The following RERE variants were observed in gnomAD, a reference collection of about 807,000 sequenced individuals.
RERE encodes the protein arginine-glutamic acid dipeptide repeats, also known as arginine-glutamic acid dipeptide repeats protein.
A neutral mutation model predicts 146.1 loss-of-function variants in RERE; 40 were observed. That is an observed-to-expected ratio of 0.27 (90% CI 0.21 to 0.36). The LOEUF is 0.36. Ranked by LOEUF, RERE falls within the 10% of genes least tolerant of loss-of-function variation. The pLI is 1.00. For synonymous variants in RERE, 1,003 were observed against 866.0 expected (o/e 1.16, Z -2.78); for missense variants, 1,933 against 2,138.7 (o/e 0.90, Z 1.90).
intron 1 of RERE, among the ~76,000 whole-genome samples, chr1:8,782,080 C>T (rs1262979127): frequency 6.6e-6 from 1 of 152,120 alleles, no homozygotes; most frequent in Admixed American, 6.6e-5. Flanking sequence ...GCTATACTCA[C>T]TCTCTCAAAT....
At chr1:8,803,676 C>CCTCAGCTA (rs1180402857) in intron 1 of RERE, among the ~76,000 whole-genome samples, 1 of 152,028 alleles carries the variant, frequency 6.6e-6, no homozygotes, top group Non-Finnish European at 1.5e-5. Flanking sequence ...AATTCTCCCC[C>CCTCAGCTA]CTCAGCATCG....
rs1237128837 is a variant in RERE, at chr1:8,353,937, G to A, written c.*1150C>T. 6.6e-6 allele frequency: 1 copy of A among 152,642 alleles called. No individual in the cohort carries two copies. Among genetic ancestry groups the A allele is most frequent in the Non-Finnish European group, 1.5e-5 (1 of 68,042 alleles). The allele number at this position is 152,642 out of a possible 1,614,324, so 9.5% of individuals were successfully genotyped here. ...ACAAGATCCAAGTGACAATGCGCAT[G>A]AGAAGGCAGCCTTCTAACACATCCC... On this transcript the variant is annotated 3_prime_UTR_variant, in exon 23 of 23. Coordinates refer to ENST00000400908, the MANE Select transcript of RERE (RefSeq NM_001042681.2).
At chr1:8,799,436 C>A (rs1416744126) in intron 1 of RERE, 3 of 183,906 alleles carry the variant, frequency 1.6e-5, no homozygotes, top group Non-Finnish European at 3.5e-5. Flanking sequence ...TACTGAGAGG[C>A]CAGGGTCAAG....
chr1:8,737,980 C>T (rs1196877227), intron 1 of RERE, among the ~76,000 whole-genome samples: 3 of 152,182 alleles, frequency 2.0e-5, no homozygotes, highest in African/African-American at 7.2e-5. Context: ...GAACAAAGCA[C>T]ACTGTGGAAT....
intron 4 of RERE, among the ~76,000 whole-genome samples, chr1:8,582,414 TC>T (rs1646378068): frequency 6.6e-6 from 1 of 150,994 alleles, no homozygotes. Context: ...AAACTTTTTT[TC>T]TTTTTTTTTT....
rs993638518 is a variant in RERE at position 8,484,511 on chromosome 1, T to C, written c.1104+10552A>G. 1.2e-4 allele frequency among the ~76,000 whole-genome samples: 19 copies of C among 152,022 alleles called. No individual in the cohort carries two copies. The South Asian group carries it at 3.9e-3, about 32-fold the overall frequency. ...CGCCATCTCGGCTCACTGCAAGCTC[T>C]GCCTCCAGGCCACACCATTCTCCTG... On this transcript the variant is annotated intron_variant, in intron 10 of 22. Transcript: ENST00000400908.
chr1:8,475,373 T>TAAA (rs70990569), intron 10 of RERE, among the ~76,000 whole-genome samples: 4 of 137,002 alleles, frequency 2.9e-5, no homozygotes, highest in Non-Finnish European at 6.3e-5. Flanking sequence ...GATTCTGTCT[T>TAAA]AAAAAAAAAA....
chr1:8,529,028 G>A (rs1193462927), intron 7 of RERE, among the ~76,000 whole-genome samples: 1 of 152,072 alleles, frequency 6.6e-6, no homozygotes, highest in African/African-American at 2.4e-5. Flanking sequence ...CGAATTTTCA[G>A]ATTAGAGATG....
chr1:8,653,753 T>A (rs1044049987), intron 2 of RERE, among the ~76,000 whole-genome samples: 1 of 150,714 alleles, frequency 6.6e-6, no homozygotes, highest in African/African-American at 2.4e-5. Context: ...ATGATTTAGA[T>A]GTGCGTACGC....
chr1:8,794,500 T>C lies in RERE; in HGVS notation c.-145+22660A>G, dbSNP rs566790858. 2.6e-5 allele frequency among the ~76,000 whole-genome samples: 4 copies of C among 152,180 alleles called. No homozygotes were observed. In the East Asian group the frequency reaches 5.8e-4, roughly 22 times the overall value. On this transcript the variant is annotated intron_variant, in intron 1 of 22. Coordinates refer to ENST00000400908, the MANE Select transcript of RERE (RefSeq NM_001042681.2). ...AGGGAAAACTGCTACCTGTTCCCAT[T>C]CCTAATAGAAACCATCTTTTGATGC...
chr1:8,414,156 C>T (rs1643694951), intron 12 of RERE, among the ~76,000 whole-genome samples: 1 of 152,068 alleles, frequency 6.6e-6, no homozygotes, highest in Non-Finnish European at 1.5e-5. Flanking sequence ...GGTAAGCACC[C>T]TTATTCACCT....
In RERE at chr1:8,411,657, G is replaced by A. The variant is rs183800308; in HGVS notation, c.1284+11070C>T. On this transcript the variant is annotated intron_variant, in intron 12 of 22. Coordinates refer to ENST00000400908, the MANE Select transcript of RERE (RefSeq NM_001042681.2). Reference sequence around the variant, plus strand: ...ATGACATGGAAACAAATGGCCAGCTGAGTCCCACCTAAATTCCTGATCTAC... The same window carrying A: ...ATGACATGGAAACAAATGGCCAGCTAAGTCCCACCTAAATTCCTGATCTAC... Among the ~76,000 whole-genome samples the A allele has an allele frequency of 4.3e-3, 656 of 152,224 alleles. 25 individuals carry two copies. The highest frequency in any genetic ancestry group is 0.041 in the Admixed American group (628 of 15,288).
At chr1:8,544,266 T>C (rs1645833021) in intron 6 of RERE, among the ~76,000 whole-genome samples, 1 of 152,220 alleles carries the variant, frequency 6.6e-6, no homozygotes, top group African/African-American at 2.4e-5. Flanking sequence ...AAAAAGAATT[T>C]GGTTAACTAC....
chr1:8,795,993 A>AC lies in RERE; in HGVS notation c.-145+21166_-145+21167insG, dbSNP rs1005059004. Among the ~76,000 whole-genome samples, 97 of 148,094 alleles carry AC rather than the reference A, an allele frequency of 6.5e-4. 1 individual carries two copies. The highest frequency in any genetic ancestry group is 3.0e-3 in the South Asian group (14 of 4,624). On this transcript the variant is annotated intron_variant, in intron 1 of 22. Transcript: ENST00000400908. ...ACGAAACTCCGTCTCAAAAAAAAAA[A>AC]AAAAACAAAACAAAACAGGAATTAT...
At chr1:8,553,702 T>C (rs1009305601) in intron 6 of RERE, among the ~76,000 whole-genome samples, 2 of 152,190 alleles carry the variant, frequency 1.3e-5, no homozygotes, top group Non-Finnish European at 2.9e-5. Context: ...TATAATTATA[T>C]ACCCAGTGAA....
chr1:8,504,514 G>T (rs1645223329), intron 8 of RERE, among the ~76,000 whole-genome samples: 1 of 152,202 alleles, frequency 6.6e-6, no homozygotes, highest in African/African-American at 2.4e-5. Flanking sequence ...GGCAGAATTA[G>T]AATATCACTG....
chr1:8,403,825 C>CTTATTTTTTTTTT (rs1643350012), intron 12 of RERE, among the ~76,000 whole-genome samples: 1 of 70,854 alleles, frequency 1.4e-5, no homozygotes, highest in African/African-American at 5.9e-5. Context: ...AAAATCTTAG[C>CTTATTTTTTTTTT]TTTTTTTTTT....
intron 7 of RERE, among the ~76,000 whole-genome samples, chr1:8,540,559 G>T (rs980706362): frequency 1.3e-5 from 2 of 152,144 alleles, no homozygotes; most frequent in African/African-American, 4.8e-5. Flanking sequence ...GGGCAAGTAT[G>T]AATATATACA....
intron 1 of RERE, among the ~76,000 whole-genome samples, chr1:8,737,448 T>C (rs1640223392): frequency 6.6e-6 from 1 of 152,212 alleles, no homozygotes; most frequent in Non-Finnish European, 1.5e-5. Flanking sequence ...ATGTGAGTTA[T>C]TGAGAGAAGA....
Sources: allele counts gnomAD v4.1 joint callset (sites outside exome capture counted in the v4.1 genomes callset), GRCh38; gene constraint gnomAD v4.1.1; transcripts MANE v1.5; gene names NCBI Gene and HGNC (gene_info 2026-07-23, HGNC 2026-07-21).